MVB12B: variants seen among roughly 807,000 people sequenced by gnomAD.
MVB12B encodes the protein multivesicular body subunit 12B, also known as ESCRT-I complex subunit MVB12B.
In MVB12B, 16 loss-of-function variants were observed where a neutral mutation model predicts 41.6. The ratio of observed to expected loss-of-function variants is 0.38; its 90% CI spans 0.26 to 0.58. The LOEUF (loss-of-function observed/expected upper bound fraction) is 0.58. MVB12B is among the 20% of genes least tolerant of loss of function. The pLI, the probability that MVB12B is intolerant of heterozygous loss-of-function variation, is 0.62. For missense variants in MVB12B, 274 were observed against 380.2 expected, an observed-to-expected ratio of 0.72 and a Z score of 2.32; for synonymous variants, 133 against 139.7, an observed-to-expected ratio of 0.95 and a Z score of 0.34.
At chr9:126,490,529 AG>A (rs1203278652) in intron 9 of MVB12B, among the ~76,000 whole-genome samples, 1 of 152,202 alleles carries the variant, frequency 6.6e-6, no homozygotes, top group Non-Finnish European at 1.5e-5. Context: ...GTTCCCTTCC[AG>A]GAGTGCCACC....
intron 6 of MVB12B, among the ~76,000 whole-genome samples, chr9:126,410,015 T>C (rs1831584075): frequency 6.6e-6 from 1 of 152,240 alleles, no homozygotes; most frequent in African/African-American, 2.4e-5. Context: ...GTAATTGATT[T>C]GCCATATGCC....
chr9:126,335,988 C>T (rs974644275), intron 1 of MVB12B, among the ~76,000 whole-genome samples: 12 of 152,272 alleles, frequency 7.9e-5, no homozygotes, highest in Non-Finnish European at 1.8e-4. Flanking sequence ...CGCTGGCTGG[C>T]GCCGCTTCTG....
intron 7 of MVB12B, among the ~76,000 whole-genome samples, chr9:126,471,425 C>T (rs1354578490): frequency 6.6e-6 from 1 of 152,178 alleles, no homozygotes; most frequent in Non-Finnish European, 1.5e-5. Flanking sequence ...CGGGAGGCTC[C>T]GGCAGTGGCT....
At chr9:126,433,140 C>T (rs745588608) in intron 7 of MVB12B, among the ~76,000 whole-genome samples, 1 of 152,150 alleles carries the variant, frequency 6.6e-6, no homozygotes, top group Non-Finnish European at 1.5e-5. Flanking sequence ...GTGCCTTTGT[C>T]TCCTTACCTG....
Position 126,326,933 on chromosome 9 carries a change from A to T in MVB12B, c.4A>T (p.Arg2Ter). The change falls in exon 1 of 10, where the codon AGA becomes TGA. Residue 2 changes from arginine to a stop codon, truncating the protein, a stop_gained. Coordinates refer to ENST00000361171, the MANE Select transcript of MVB12B (RefSeq NM_033446.3). LOFTEE classifies it high-confidence loss of function. The stretch of plus-strand genomic sequence containing the variant: ...CCCCTCCCGCGCCGCCCGGGCGATG[A>T]GAAGCTGCTTCTGCGTGAGACGGAG... M[R>*]SCFCVRRSRD... 1 of 267,142 alleles carries T rather than the reference A, an allele frequency of 3.7e-6. No individual in the cohort carries two copies. Among genetic ancestry groups the T allele is most frequent in the Non-Finnish European group, 7.5e-6 (1 of 133,762 alleles). The allele number at this position is 267,142 out of a possible 1,614,324, so 16.5% of individuals were successfully genotyped here.
Position 126,333,895 on chromosome 9 carries a change from A to T in MVB12B, c.82-6613A>T, listed in dbSNP as rs1018497954. ...CATCCATCCATCCATCCATTCGTTC[A>T]TCAAATACCTGATGAATACCTGCTC... On this transcript the variant is annotated intron_variant, in intron 1 of 9. Coordinates refer to ENST00000361171, the MANE Select transcript of MVB12B (RefSeq NM_033446.3). The surrounding 1 kb of genome is among the most constrained non-coding windows in gnomAD (Gnocchi z 4.7). Among the ~76,000 whole-genome samples the T allele has an allele frequency of 6.6e-6, 1 of 152,006 alleles. No homozygotes were observed. The highest frequency in any genetic ancestry group is 2.1e-4 in the South Asian group (1 of 4,810).
chr9:126,329,932 C>A lies in MVB12B; in HGVS notation c.81+2922C>A, dbSNP rs533502459. On this transcript the variant is annotated intron_variant, in intron 1 of 9. Transcript: ENST00000361171. ...TTCCCCAACCCACCCCGCCCCCAAC[C>A]CCGGCTCTCCTTGGCCTTCTGCTTG... Among the ~76,000 whole-genome samples the A allele has an allele frequency of 8.3e-4, 125 of 151,250 alleles. 1 individual carries two copies. Among genetic ancestry groups the A allele is most frequent in the African/African-American group, 2.9e-3 (119 of 41,202 alleles).
Position 126,345,283 on chromosome 9 carries a change from G to A in MVB12B, c.204+4653G>A, listed in dbSNP as rs141987819. On this transcript the variant is annotated intron_variant, in intron 2 of 9. Coordinates refer to ENST00000361171, the MANE Select transcript of MVB12B (RefSeq NM_033446.3). ...CAGGCTAAACTGCATCCTGGTCTTA[G>A]ACTAGGAGATATTTTATTCTTTTTT... 1.9e-3 allele frequency among the ~76,000 whole-genome samples: 286 copies of A among 152,316 alleles called. 2 individuals carry two copies. Among genetic ancestry groups the A allele is most frequent in the African/African-American group, 6.8e-3 (281 of 41,560 alleles).
chr9:126,414,954 T>C (rs1243979301), intron 6 of MVB12B, among the ~76,000 whole-genome samples: 1 of 152,182 alleles, frequency 6.6e-6, no homozygotes, highest in African/African-American at 2.4e-5. Context: ...GGTCTCAAAC[T>C]CCTGGGTTCA....
At chr9:126,366,240 A>C in intron 2 of MVB12B, among the ~76,000 whole-genome samples, 1 of 149,938 alleles carries the variant, frequency 6.7e-6, no homozygotes, top group African/African-American at 2.5e-5. Context: ...CATTATCCCC[A>C]CTCACCCCTC....
At chr9:126,373,408 G>A (rs11788961) in intron 2 of MVB12B, among the ~76,000 whole-genome samples, 26,270 of 152,282 alleles carry the variant, frequency 0.17, 2,378 homozygotes, top group Middle Eastern at 0.22. Context: ...CCAAGTGTGT[G>A]TGTTTCCACT....
Position 126,505,375 on chromosome 9 carries a change from C to T in MVB12B, c.*2112C>T, listed in dbSNP as rs763124152. 6.6e-6 allele frequency: 1 copy of T among 152,214 alleles called. No homozygotes were observed. The highest frequency in any genetic ancestry group is 1.5e-5 in the Non-Finnish European group (1 of 68,032). The allele number at this position is 152,214 out of a possible 1,614,324, so 9.4% of individuals were successfully genotyped here. On this transcript the variant is annotated 3_prime_UTR_variant, in exon 10 of 10. Transcript: ENST00000361171. Reference sequence around the variant, plus strand: ...GCAGGCCCCTGTCGAGCTGGGGTCCCAGCCAGGTGCCCCCGCATGCCCTCC... The same window carrying T: ...GCAGGCCCCTGTCGAGCTGGGGTCCTAGCCAGGTGCCCCCGCATGCCCTCC...
intron 6 of MVB12B, among the ~76,000 whole-genome samples, chr9:126,410,242 C>G (rs1260058423): frequency 5.9e-5 from 9 of 151,950 alleles, no homozygotes; most frequent in Non-Finnish European, 1.5e-5. Flanking sequence ...CTACAGTCAG[C>G]CTGGTAGGTT....
chr9:126,364,956 G>A lies in MVB12B; in HGVS notation c.205-16108G>A, dbSNP rs143700089. Among the ~76,000 whole-genome samples the A allele has an allele frequency of 0.01, 1,576 of 152,094 alleles. 65 individuals are homozygous for A. The East Asian group carries it at 0.12, about 11-fold the overall frequency. On this transcript the variant is annotated intron_variant, in intron 2 of 9. Coordinates refer to ENST00000361171, the MANE Select transcript of MVB12B (RefSeq NM_033446.3). ...TTTAGTAGAGACGGGGTTTCACCGC[G>A]TTAGCCAGGATGGTCTCTATCTCCT...
chr9:126,480,356 C>G lies in MVB12B; in HGVS notation c.758-1013C>G, dbSNP rs1160974045. Among the ~76,000 whole-genome samples, 1 of 152,194 alleles carries G rather than the reference C, an allele frequency of 6.6e-6. No homozygotes were observed. Among genetic ancestry groups the G allele is most frequent in the Non-Finnish European group, 1.5e-5 (1 of 68,032 alleles). The stretch of plus-strand genomic sequence containing the variant: ...GCTGCCACGTTGGCTCTGTGAATGC[C>G]GGCATCACGTCTCGTCCAGTGTGAC... On this transcript the variant is annotated intron_variant, in intron 7 of 9. Coordinates refer to ENST00000361171, the MANE Select transcript of MVB12B (RefSeq NM_033446.3). The surrounding 1 kb of genome is among the most constrained non-coding windows in gnomAD (Gnocchi z 4.9).
chr9:126,339,327 A>T (rs1389421619), intron 1 of MVB12B, among the ~76,000 whole-genome samples: 1 of 152,262 alleles, frequency 6.6e-6, no homozygotes, highest in East Asian at 1.9e-4. Flanking sequence ...TATTAGAAGC[A>T]GTAACCAGCC....
chr9:126,457,296 A>T (rs1371737099), intron 7 of MVB12B, among the ~76,000 whole-genome samples: 1 of 152,126 alleles, frequency 6.6e-6, no homozygotes, highest in Admixed American at 6.5e-5. Flanking sequence ...AAAGAGACGA[A>T]GTGTCACTTC....
intron 1 of MVB12B, among the ~76,000 whole-genome samples, chr9:126,330,713 T>C (rs1829106815): frequency 2.0e-5 from 3 of 152,190 alleles, no homozygotes; most frequent in Non-Finnish European, 4.4e-5. Flanking sequence ...TCCAGAACTT[T>C]TCATCTTGCA....
intron 6 of MVB12B, among the ~76,000 whole-genome samples, chr9:126,411,557 A>C (rs1831651326): frequency 6.6e-6 from 1 of 152,254 alleles, no homozygotes; most frequent in Non-Finnish European, 1.5e-5. Flanking sequence ...AAGGTTTATA[A>C]GATAGTGAAT....
Sources: allele counts gnomAD v4.1 joint callset (sites outside exome capture counted in the v4.1 genomes callset), GRCh38; gene constraint gnomAD v4.1.1; non-coding constraint Gnocchi (gnomAD v3.1); transcripts MANE v1.5; gene names NCBI Gene and HGNC (gene_info 2026-07-23, HGNC 2026-07-21).